CIROZ: variants seen among roughly 807,000 people sequenced by gnomAD.
The protein encoded by CIROZ is ciliated left-right organizer ZP-N domains-containing protein.
the CIROZ span, chr1:10,949,239 A>G: frequency 8.5e-6 from 2 of 235,594 alleles, no homozygotes; most frequent in Non-Finnish European, 1.6e-5. Context: ...AAAAAAAAAA[A>G]GAAGAGCTGG....
At chr1:10,968,937 C>T in the CIROZ span, among the ~76,000 whole-genome samples, 1 of 152,160 alleles carries the variant, frequency 6.6e-6, no homozygotes, top group South Asian at 2.1e-4. Context: ...CTATTGTTTT[C>T]CATTAATAAT....
the CIROZ span, among the ~76,000 whole-genome samples, chr1:10,974,002 C>T: frequency 8.5e-5 from 13 of 152,082 alleles, no homozygotes; most frequent in African/African-American, 2.4e-4. This position sits in a 1 kb window ranked among gnomAD's most constrained non-coding sequence, Gnocchi z 4.4. Flanking sequence ...CTTCTGCTGC[C>T]TGGCCTCTCT....
chr1:10,962,091 C>T, the CIROZ span, among the ~76,000 whole-genome samples: 1 of 152,256 alleles, frequency 6.6e-6, no homozygotes, highest in East Asian at 1.9e-4. Context: ...ACAGAAGATG[C>T]CCACCCAAAT....
chr1:10,959,475 T>C, the CIROZ span, among the ~76,000 whole-genome samples: 1 of 152,152 alleles, frequency 6.6e-6, no homozygotes. The surrounding 1 kb of genome is among the most constrained non-coding windows in gnomAD (Gnocchi z 4.3). Context: ...ACCCAGGTGC[T>C]CTCTCAAGTC....
At chr1:10,951,461 G>A in the CIROZ span, among the ~76,000 whole-genome samples, 1 of 151,784 alleles carries the variant, frequency 6.6e-6, no homozygotes, top group Non-Finnish European at 1.5e-5. Context: ...TACTCGGGAG[G>A]CTGAAGCAGG....
chr1:10,948,328 C>G, the CIROZ span: 1 of 1,613,704 alleles, frequency 6.2e-7, no homozygotes, highest in South Asian at 1.1e-5. Context: ...GAAACCAGCT[C>G]CTCTGCAGCC....
chr1:10,953,235 A>G, the CIROZ span, among the ~76,000 whole-genome samples: 1 of 152,212 alleles, frequency 6.6e-6, no homozygotes, highest in Non-Finnish European at 1.5e-5. Context: ...TTGCACTATT[A>G]ACATCTGAGT....
At chr1:10,978,146 T>A in the CIROZ span, among the ~76,000 whole-genome samples, 1 of 146,410 alleles carries the variant, frequency 6.8e-6, no homozygotes, top group Non-Finnish European at 1.5e-5. Flanking sequence ...CACTCCAGCC[T>A]GGGTGACAAG....
the CIROZ span, chr1:10,966,208 A>T: frequency 9.3e-7 from 1 of 1,073,734 alleles, no homozygotes; most frequent in Non-Finnish European, 1.3e-6. Flanking sequence ...ATGCCCATAA[A>T]CTCCATGAGG....
At chr1:10,948,381 C>T in the CIROZ span, 6 of 1,613,280 alleles carry the variant, frequency 3.7e-6, no homozygotes, top group Non-Finnish European at 5.1e-6. Flanking sequence ...GAACTCCTCA[C>T]TGGCTTGGCC....
the CIROZ span, chr1:10,958,691 C>G: frequency 5.6e-5 from 90 of 1,613,802 alleles, no homozygotes; most frequent in Non-Finnish European, 7.4e-5. Flanking sequence ...GTTGCTCCTG[C>G]TACTTCAATG....
At chr1:10,947,544 T>C in the CIROZ span, 1 of 866,000 alleles carries the variant, frequency 1.2e-6, no homozygotes, top group Non-Finnish European at 1.6e-6. Flanking sequence ...GCACCGGGGC[T>C]TCCCTGGAAA....
chr1:10,973,105 G>A, the CIROZ span, among the ~76,000 whole-genome samples: 2 of 152,208 alleles, frequency 1.3e-5, no homozygotes. Context: ...AGGTGCAGTG[G>A]CTCACGCCTG....
chr1:10,956,640 T>A, the CIROZ span, among the ~76,000 whole-genome samples: 8 of 151,684 alleles, frequency 5.3e-5, no homozygotes, highest in African/African-American at 1.9e-4. Flanking sequence ...CACGCCCGGC[T>A]AATTTTTTGT....
chr1:10,963,749 G>T, the CIROZ span, among the ~76,000 whole-genome samples: 1 of 150,848 alleles, frequency 6.6e-6, no homozygotes, highest in Non-Finnish European at 1.5e-5. Context: ...AAAAAAAAAA[G>T]CATCCAAACT....
the CIROZ span, among the ~76,000 whole-genome samples, chr1:10,976,765 G>C: frequency 2.0e-5 from 3 of 151,846 alleles, no homozygotes; most frequent in East Asian, 5.8e-4. Context: ...TAATAATCAG[G>C]CTCAGAAGAA....
the CIROZ span, chr1:10,966,416 G>A: frequency 1.3e-6 from 2 of 1,536,860 alleles, no homozygotes; most frequent in South Asian, 1.2e-5. Flanking sequence ...ACCGTCTGAA[G>A]CCAGATGCAG....
the CIROZ span, among the ~76,000 whole-genome samples, chr1:10,979,322 C>T: frequency 2.0e-5 from 3 of 152,026 alleles, no homozygotes; most frequent in Non-Finnish European, 2.9e-5. Context: ...AAAGACTCTT[C>T]GGGCAGCTGA....
chr1:10,947,754 G>A, the CIROZ span: 1 of 1,591,560 alleles, frequency 6.3e-7, no homozygotes, highest in Non-Finnish European at 8.6e-7. Context: ...GGTGGGCTCT[G>A]TCAGCTCCTG....
Sources: gnomAD v4.1 joint callset for allele counts (sites outside exome capture counted in the v4.1 genomes callset) on GRCh38, gnomAD v4.1.1 for gene constraint, Gnocchi (gnomAD v3.1) non-coding constraint, MANE v1.5 for transcripts, NCBI Gene and HGNC (gene_info 2026-07-23, HGNC 2026-07-21) for gene names.